Variants in OTUD7A observed in about 807,000 individuals in gnomAD.
The protein encoded by OTUD7A is OTU deubiquitinase 7A.
OTUD7A carries 12 observed loss-of-function variants against 65.7 expected under a neutral mutation model. That is an observed-to-expected ratio of 0.18 (90% CI 0.12 to 0.30). OTUD7A has a LOEUF of 0.30. OTUD7A is among the 10% of genes least tolerant of loss of function. The pLI is 1.00. For missense variants in OTUD7A, 1,148 were observed against 1,304.8 expected (o/e 0.88, Z 1.85); for synonymous variants, 641 against 586.3 (o/e 1.09, Z -1.35).
At chr15:31,649,260 C>A (rs1416991776) in intron 3 of OTUD7A, among the ~76,000 whole-genome samples, 1 of 152,206 alleles carries the variant, frequency 6.6e-6, no homozygotes, top group African/African-American at 2.4e-5. Context: ...AGCAGGTGAA[C>A]AGGCAAGGCC....
At chr15:31,869,412 C>G (rs577097114) in intron 1 of OTUD7A, among the ~76,000 whole-genome samples, 4 of 152,332 alleles carry the variant, frequency 2.6e-5, no homozygotes, top group Non-Finnish European at 5.9e-5. Context: ...GCAATTAAGA[C>G]CTGTAAAGAT....
chr15:31,728,186 T>G (rs905057860), intron 1 of OTUD7A, among the ~76,000 whole-genome samples: 2 of 152,214 alleles, frequency 1.3e-5, no homozygotes, highest in African/African-American at 4.8e-5. Flanking sequence ...AGTTCTTCCA[T>G]CTACTCAGTT....
intron 5 of OTUD7A, among the ~76,000 whole-genome samples, chr15:31,540,407 G>A (rs1219367691): frequency 1.3e-5 from 2 of 152,182 alleles, no homozygotes; most frequent in Non-Finnish European, 2.9e-5. Context: ...ATCTGGACTA[G>A]AGTGTCTAAG....
intron 1 of OTUD7A, among the ~76,000 whole-genome samples, chr15:31,660,936 G>T (rs984462265): frequency 7.2e-5 from 11 of 152,254 alleles, no homozygotes; most frequent in Admixed American, 2.0e-4. Flanking sequence ...GCTCGGAGAA[G>T]GCACATGTGT....
chr15:31,562,677 G>A (rs188282526), intron 4 of OTUD7A, among the ~76,000 whole-genome samples: 1 of 152,244 alleles, frequency 6.6e-6, no homozygotes, highest in East Asian at 1.9e-4. Context: ...AACCGATCCT[G>A]GGTATATTTT....
At chr15:31,625,438 G>C (rs997504808) in intron 3 of OTUD7A, among the ~76,000 whole-genome samples, 3 of 151,380 alleles carry the variant, frequency 2.0e-5, no homozygotes, top group Non-Finnish European at 4.4e-5. Flanking sequence ...AACTGCAATG[G>C]AATGACATAC....
chr15:31,612,507 A>C (rs1170656930), intron 3 of OTUD7A, among the ~76,000 whole-genome samples: 1 of 152,222 alleles, frequency 6.6e-6, no homozygotes, highest in East Asian at 1.9e-4. Context: ...AAGAGTGACC[A>C]AGCGGATAAT....
chr15:31,539,350 T>C (rs945561880), intron 5 of OTUD7A, among the ~76,000 whole-genome samples: 1 of 151,760 alleles, frequency 6.6e-6, no homozygotes, highest in Non-Finnish European at 1.5e-5. Flanking sequence ...ATTACAGATA[T>C]AAGGAGAGTA....
chr15:31,637,244 C>A (rs190975742), intron 3 of OTUD7A, among the ~76,000 whole-genome samples: 51 of 152,320 alleles, frequency 3.3e-4, no homozygotes, highest in South Asian at 2.5e-3. Flanking sequence ...GCTCATTTAT[C>A]ATTCTGAAAG....
At chr15:31,510,903 C>CAT (rs369974532) in intron 8 of OTUD7A, among the ~76,000 whole-genome samples, 1 of 16,490 alleles carries the variant, frequency 6.1e-5, no homozygotes, top group African/African-American at 7.0e-4. Context: ...CTATATGTAA[C>CAT]ATATATGTAT....
At chr15:31,703,900 T>C (rs1452808252) in intron 1 of OTUD7A, among the ~76,000 whole-genome samples, 3 of 149,042 alleles carry the variant, frequency 2.0e-5, no homozygotes, top group African/African-American at 4.9e-5. Context: ...GAATGAACTC[T>C]TGATAACCAC....
chr15:31,682,119 T>C (rs1269090416), intron 1 of OTUD7A, among the ~76,000 whole-genome samples: 2 of 152,078 alleles, frequency 1.3e-5, no homozygotes, highest in African/African-American at 4.8e-5. Flanking sequence ...GGAAGAGGTA[T>C]GGACAGTGGT....
intron 1 of OTUD7A, among the ~76,000 whole-genome samples, chr15:31,815,988 T>A (rs935862395): frequency 4.6e-5 from 7 of 152,172 alleles, no homozygotes; most frequent in African/African-American, 1.7e-4. Flanking sequence ...CAGCCAACAG[T>A]GACCGACCAG....
chr15:31,527,239 G>C lies in OTUD7A; in HGVS notation c.722C>G (p.Ala241Gly), dbSNP rs2042027253. The C allele has an allele frequency of 2.5e-6, 4 of 1,614,198 alleles. No individual in the cohort carries two copies. The highest frequency in any genetic ancestry group is 3.4e-6 in the Non-Finnish European group (4 of 1,180,034). ...CCTCCGCTTCAGGGCTTCCCTCTCA[G>C]CTCCCGTCCTCATCATGGTATAGAG... ...KALYTMMRTG[A>G]EREALKRRWR... Residue 241 changes from alanine (A) to glycine (G), a missense_variant, in exon 7 of 13, where the codon GCT becomes GGT. Around this residue, in one of 6 missense-constraint regions of OTUD7A, gnomAD observed 134 missense variants for 252.6 expected, o/e 0.53. Coordinates refer to ENST00000307050, the MANE Select transcript of OTUD7A (RefSeq NM_001382637.1).
chr15:31,577,872 C>A (rs910602769), intron 3 of OTUD7A, among the ~76,000 whole-genome samples: 2 of 148,922 alleles, frequency 1.3e-5, no homozygotes, highest in Non-Finnish European at 3.0e-5. Flanking sequence ...TCCTTGGAAT[C>A]GGACAAGCTG....
chr15:31,763,334 A>T (rs969089013), intron 1 of OTUD7A, among the ~76,000 whole-genome samples: 6 of 152,206 alleles, frequency 3.9e-5, no homozygotes, highest in African/African-American at 1.4e-4. Flanking sequence ...TCAGTAAAGA[A>T]AAAAGATATA....
At chr15:31,658,794 G>T (rs541792174) in intron 1 of OTUD7A, among the ~76,000 whole-genome samples, 2 of 151,586 alleles carry the variant, frequency 1.3e-5, no homozygotes, top group Non-Finnish European at 2.9e-5. Context: ...TTGGGAGGCC[G>T]AGGCTCGTAG....
intron 3 of OTUD7A, among the ~76,000 whole-genome samples, chr15:31,630,353 A>C (rs1219291843): frequency 1.3e-5 from 2 of 151,808 alleles, no homozygotes; most frequent in Non-Finnish European, 2.9e-5. Flanking sequence ...TGATGTACCC[A>C]GTAGTCATTC....
intron 3 of OTUD7A, among the ~76,000 whole-genome samples, chr15:31,611,327 GAAAC>G (rs924438812): frequency 2.6e-4 from 39 of 152,192 alleles, no homozygotes; most frequent in African/African-American, 8.7e-4. Flanking sequence ...AAATGAAGCT[GAAAC>G]AAACAAACAA....
Sources: allele counts gnomAD v4.1 joint callset (sites outside exome capture counted in the v4.1 genomes callset), GRCh38; gene constraint gnomAD v4.1.1; regional missense constraint gnomAD v4.1.1; transcripts MANE v1.5; gene names NCBI Gene and HGNC (gene_info 2026-07-23, HGNC 2026-07-21).